Variants in PLPPR1 observed in about 807,000 individuals in gnomAD.
PLPPR1 encodes phospholipid phosphatase related 1.
Under a neutral mutation model 33.1 loss-of-function variants are expected in PLPPR1, and 10 were observed. The ratio of observed to expected loss-of-function variants is 0.30; its 90% CI spans 0.19 to 0.51. PLPPR1 has a LOEUF of 0.51. PLPPR1 is among the 20% of genes least tolerant of loss of function. The pLI is 0.97. For synonymous variants in PLPPR1, 151 were observed against 151.0 expected (o/e 1.00, Z 0.00); for missense variants, 304 against 408.1 (o/e 0.74, Z 2.20).
At chr9:101,093,273 C>G (rs933989012) in intron 1 of PLPPR1, among the ~76,000 whole-genome samples, 1 of 152,190 alleles carries the variant, frequency 6.6e-6, no homozygotes, top group Non-Finnish European at 1.5e-5. Context: ...CAAGTTAATA[C>G]TAATCCATTA....
chr9:101,247,060 G>A (rs1292195096), intron 2 of PLPPR1, among the ~76,000 whole-genome samples: 1 of 151,882 alleles, frequency 6.6e-6, no homozygotes, highest in African/African-American at 2.4e-5. Flanking sequence ...AAACTACAAG[G>A]GAAATGGCAT....
At chr9:101,112,415 T>C (rs1831068190) in intron 1 of PLPPR1, among the ~76,000 whole-genome samples, 1 of 152,214 alleles carries the variant, frequency 6.6e-6, no homozygotes, top group Non-Finnish European at 1.5e-5. Flanking sequence ...TCTGAGAGGA[T>C]ACAATTTTTG....
intron 1 of PLPPR1, chr9:101,126,057 G>A (rs190310350): frequency 5.1e-6 from 1 of 194,698 alleles, no homozygotes. Flanking sequence ...AACCAGGCCT[G>A]TGTGTCAATC....
intron 1 of PLPPR1, among the ~76,000 whole-genome samples, chr9:101,121,914 C>A (rs1486966537): frequency 6.6e-6 from 1 of 151,986 alleles, no homozygotes; most frequent in Non-Finnish European, 1.5e-5. Flanking sequence ...ACAAATGTGG[C>A]CATGACAATG....
intron 1 of PLPPR1, among the ~76,000 whole-genome samples, chr9:101,072,431 C>A (rs948470458): frequency 1.3e-5 from 2 of 152,092 alleles, no homozygotes; most frequent in Non-Finnish European, 2.9e-5. Flanking sequence ...TAGCCAGAAC[C>A]AAATCATGTG....
intron 1 of PLPPR1, among the ~76,000 whole-genome samples, chr9:101,128,790 C>T (rs1252982045): frequency 6.6e-6 from 1 of 152,090 alleles, no homozygotes; most frequent in Non-Finnish European, 1.5e-5. Context: ...CAACATAACC[C>T]TCTGTGATGA....
At chr9:101,274,234 T>A (rs1828149259) in intron 3 of PLPPR1, among the ~76,000 whole-genome samples, 1 of 152,216 alleles carries the variant, frequency 6.6e-6, no homozygotes, top group Non-Finnish European at 1.5e-5. Flanking sequence ...AAGAATAACA[T>A]CTTTTAATAT....
intron 1 of PLPPR1, among the ~76,000 whole-genome samples, chr9:101,169,680 TTGTTACA>T (rs774514358): frequency 6.8e-6 from 1 of 146,232 alleles, no homozygotes; most frequent in Non-Finnish European, 1.5e-5. Flanking sequence ...AAATTGCTTT[TTGTTACA>T]TGTTATCAAA....
At chr9:101,191,429 C>T (rs1322060691) in intron 2 of PLPPR1, among the ~76,000 whole-genome samples, 1 of 152,078 alleles carries the variant, frequency 6.6e-6, no homozygotes, top group Non-Finnish European at 1.5e-5. Context: ...TTCTGCCTTC[C>T]CTTCTTCCTT....
intron 3 of PLPPR1, among the ~76,000 whole-genome samples, chr9:101,285,384 C>T (rs878905133): frequency 6.6e-6 from 1 of 151,942 alleles, no homozygotes; most frequent in Non-Finnish European, 1.5e-5. Context: ...AGAGAGATGC[C>T]TATAATAAAG....
At chr9:101,096,796 G>C (rs968281564) in intron 1 of PLPPR1, among the ~76,000 whole-genome samples, 1 of 152,124 alleles carries the variant, frequency 6.6e-6, no homozygotes, top group African/African-American at 2.4e-5. Context: ...CAGGCACAGT[G>C]GTTCACACCT....
intron 2 of PLPPR1, among the ~76,000 whole-genome samples, chr9:101,263,678 G>A (rs560786447): frequency 4.6e-5 from 7 of 152,268 alleles, no homozygotes; most frequent in Admixed American, 1.3e-4. Context: ...TTTGAGTGGA[G>A]AGAGATATTT....
chr9:101,261,221 A>G (rs546607465), intron 2 of PLPPR1, among the ~76,000 whole-genome samples: 175 of 152,332 alleles, frequency 1.1e-3, no homozygotes, highest in Non-Finnish European at 1.0e-3. Flanking sequence ...ATAGCTGATT[A>G]CATGGGCAAT....
At chr9:101,122,421 A>G (rs751154208) in intron 1 of PLPPR1, among the ~76,000 whole-genome samples, 2 of 152,222 alleles carry the variant, frequency 1.3e-5, no homozygotes, top group Non-Finnish European at 2.9e-5. Context: ...TTTATCTCAC[A>G]AGAACTCTGA....
At chr9:101,108,603 A>C (rs1831009361) in intron 1 of PLPPR1, among the ~76,000 whole-genome samples, 1 of 152,238 alleles carries the variant, frequency 6.6e-6, no homozygotes. Flanking sequence ...AAATTTGGTC[A>C]CCTTAAGACA....
intron 1 of PLPPR1, among the ~76,000 whole-genome samples, chr9:101,053,066 T>C (rs1830243101): frequency 6.6e-6 from 1 of 152,126 alleles, no homozygotes; most frequent in South Asian, 2.1e-4. Flanking sequence ...ATATCTCCAC[T>C]CAGAAGAGCC....
At chr9:101,165,583 C>T (rs1038095757) in intron 1 of PLPPR1, among the ~76,000 whole-genome samples, 13 of 152,108 alleles carry the variant, frequency 8.5e-5, no homozygotes, top group African/African-American at 3.1e-4. Context: ...TATTTAAAGG[C>T]AATTCTCAAT....
chr9:101,242,728 A>G lies in PLPPR1; in HGVS notation c.64-27152A>G, dbSNP rs540045020. On this transcript the variant is annotated intron_variant, in intron 2 of 7. Coordinates refer to ENST00000374874, the MANE Select transcript of PLPPR1 (RefSeq NM_207299.2). The stretch of plus-strand genomic sequence containing the variant: ...AAGCTTTTGTGGAAGTGATGCCACA[A>G]TATTCATGCACATTGAGTTAACCTA... Among the ~76,000 whole-genome samples, 11 of 152,210 alleles carry G rather than the reference A, an allele frequency of 7.2e-5. No individual in the cohort carries two copies. In the East Asian group the frequency reaches 2.1e-3, roughly 30 times the overall value.
intron 1 of PLPPR1, among the ~76,000 whole-genome samples, chr9:101,165,021 A>G (rs992553119): frequency 6.6e-6 from 1 of 152,152 alleles, no homozygotes; most frequent in Admixed American, 6.5e-5. Context: ...ACAATCGTAA[A>G]TATCTGCCAT....
Sources: gnomAD v4.1 joint callset for allele counts (sites outside exome capture counted in the v4.1 genomes callset) on GRCh38, gnomAD v4.1.1 for gene constraint, MANE v1.5 for transcripts, NCBI Gene and HGNC (gene_info 2026-07-23, HGNC 2026-07-21) for gene names.